The following COA5 variants were observed in gnomAD, a reference collection of about 807,000 sequenced individuals.
COA5 encodes cytochrome c oxidase assembly factor 5.
Under a neutral mutation model 11.8 loss-of-function variants are expected in COA5, and 11 were observed. The ratio of observed to expected loss-of-function variants is 0.93; its 90% CI spans 0.59 to 1.54. COA5 has a LOEUF of 1.54. COA5 is among the 40% of genes most tolerant of loss of function. The pLI is 0.00. For synonymous variants in COA5, 38 were observed against 37.5 expected (o/e 1.01, Z -0.05); for missense variants, 87 against 89.2 (o/e 0.97, Z 0.10).
At chr2:98,604,340 C>T (rs1575224964) in intron 1 of COA5, 149 bp from the exon 2 acceptor site, 1 of 654,194 alleles carries the variant, frequency 1.5e-6, no homozygotes, top group East Asian at 2.8e-5. Flanking sequence ...TTCATTTGGG[C>T]TATTGGTGCC....
chr2:98,599,405 A>C lies in COA5; in HGVS notation c.*1347T>G, dbSNP rs1020808102. 1 of 152,210 alleles carries C rather than the reference A, an allele frequency of 6.6e-6. No individual in the cohort carries two copies. Among genetic ancestry groups the C allele is most frequent in the Non-Finnish European group, 1.5e-5 (1 of 68,038 alleles). 9.4% of individuals were successfully genotyped at this position (152,210 alleles called of 1,614,324 possible). A position where few individuals can be genotyped will look rare whatever the true frequency, so the allele number is the denominator to read the frequency against. On this transcript the variant is annotated 3_prime_UTR_variant, in exon 3 of 3. Coordinates refer to ENST00000328709, the MANE Select transcript of COA5 (RefSeq NM_001008215.3). ...AAGATGACAGGGCTTTATAATATACATTTTAGAGTTGTTTACTTTTATTAA... is the reference window on the plus strand; with the variant it reads ...AAGATGACAGGGCTTTATAATATACCTTTTAGAGTTGTTTACTTTTATTAA...
At chr2:98,601,153 G>C (rs1700636793) in intron 2 of COA5, among the ~76,000 whole-genome samples, 1 of 152,096 alleles carries the variant, frequency 6.6e-6, no homozygotes, top group Non-Finnish European at 1.5e-5. Context: ...GCTGAGGCGG[G>C]AGAATTGCTC....
intron 1 of COA5, chr2:98,604,789 T>C (rs553579627): frequency 1.8e-4 from 27 of 154,084 alleles, no homozygotes; most frequent in African/African-American, 6.0e-4. Context: ...CAGGGTACTA[T>C]GTCTGTGGTA....
intron 1 of COA5, among the ~76,000 whole-genome samples, chr2:98,606,542 C>T (rs1321903707): frequency 6.6e-6 from 1 of 152,238 alleles, no homozygotes; most frequent in East Asian, 1.9e-4. Flanking sequence ...TCTAGCCAAA[C>T]AGCTCCGCTT....
chr2:98,601,637 G>A (rs962244064), intron 2 of COA5, among the ~76,000 whole-genome samples: 2 of 152,090 alleles, frequency 1.3e-5, no homozygotes. Flanking sequence ...CTATATTGGG[G>A]GTCCCTAACC....
intron 1 of COA5, among the ~76,000 whole-genome samples, chr2:98,607,582 C>T (rs1700725702): frequency 6.6e-6 from 1 of 152,160 alleles, no homozygotes; most frequent in Admixed American, 6.5e-5. Flanking sequence ...AAGACAATTG[C>T]ACACAATTGA....
In COA5 at chr2:98,604,189, T is replaced by G. The variant is rs371263909; in HGVS notation, c.102A>C (p.Glu34Asp). 1.4e-5 allele frequency: 22 copies of G among 1,611,768 alleles called. No individual in the cohort carries two copies. The highest frequency in any genetic ancestry group is 1.7e-5 in the Non-Finnish European group (20 of 1,177,978). Residue 34 changes from glutamate (E) to aspartate (D), a missense_variant and splice_region_variant, in exon 2 of 3, where the codon GAA becomes GAC. Coordinates refer to ENST00000328709, the MANE Select transcript of COA5 (RefSeq NM_001008215.3). ...TCAAACACTGCCGAGGTGATTTTCC[T>G]TCCTATGACAGACACATAAAACAAT... ...CLLQSDCVVQ[E>D]GKSPRQCLKE...
intron 1 of COA5, among the ~76,000 whole-genome samples, chr2:98,607,675 AAC>A (rs1339335711): frequency 6.6e-6 from 1 of 152,232 alleles, no homozygotes; most frequent in Non-Finnish European, 1.5e-5. Context: ...GTCCACTGTG[AAC>A]CTCACTACAT....
chr2:98,607,418 T>C lies in COA5; in HGVS notation c.99+889A>G, dbSNP rs138873131. Among the ~76,000 whole-genome samples, 7 of 152,284 alleles carry C rather than the reference T, an allele frequency of 4.6e-5. No individual in the cohort carries two copies. The East Asian group carries it at 1.3e-3, about 29-fold the overall frequency. ...ATAATAACTCAAGTTTTACTAGACA[T>C]TGGGAGGCGAGAATGGCTGACTGCT... On this transcript the variant is annotated intron_variant, in intron 1 of 2. Transcript: ENST00000328709.
chr2:98,606,889 C>A (rs1309327619), intron 1 of COA5, among the ~76,000 whole-genome samples: 1 of 152,172 alleles, frequency 6.6e-6, no homozygotes, highest in African/African-American at 2.4e-5. Flanking sequence ...CTCCTCTGCG[C>A]CCTCCCACAT....
intron 2 of COA5, among the ~76,000 whole-genome samples, chr2:98,603,487 A>AG: frequency 6.6e-6 from 1 of 152,074 alleles, no homozygotes; most frequent in Non-Finnish European, 1.5e-5. Flanking sequence ...CTCAAACAAA[A>AG]AACAAAAAAC....
rs557092340 is a variant in COA5 at position 98,599,643 on chromosome 2, T to TAAAG, written c.*1105_*1108dup. On this transcript the variant is annotated 3_prime_UTR_variant, in exon 3 of 3. Coordinates refer to ENST00000328709, the MANE Select transcript of COA5 (RefSeq NM_001008215.3). ...TTAACTCCAGTGAACCACGGAGGTA[T>TAAAG]AAAGACGCTAGAGTTCTTTGTAATT... is the stretch of plus-strand genomic sequence containing the variant. 6.6e-6 allele frequency: 1 copy of TAAAG among 152,218 alleles called. No individual in the cohort carries two copies. Among genetic ancestry groups the TAAAG allele is most frequent in the Non-Finnish European group, 1.5e-5 (1 of 68,034 alleles). The allele number at this position is 152,218 out of a possible 1,614,324, so 9.4% of individuals were successfully genotyped here. A position where few individuals can be genotyped will look rare whatever the true frequency, so the allele number is the denominator to read the frequency against.
chr2:98,601,865 T>C (rs756771348), intron 2 of COA5, among the ~76,000 whole-genome samples: 4 of 152,156 alleles, frequency 2.6e-5, no homozygotes, highest in Admixed American at 6.5e-5. Flanking sequence ...GAGAATCTAA[T>C]GCCTGATGAC....
rs766369618 is a variant in COA5 at position 98,599,907 on chromosome 2, T to G, written c.*845A>C. 5 of 152,344 alleles carry G rather than the reference T, an allele frequency of 3.3e-5. No individual in the cohort carries two copies. The highest frequency in any genetic ancestry group is 7.3e-5 in the Non-Finnish European group (5 of 68,126). 9.4% of individuals were successfully genotyped at this position (152,344 alleles called of 1,614,324 possible). ...AGTTAGCAATGACAGTGCAGATAGA[T>G]AGCCCAGGCCTGGCCAAGATCACAG... On this transcript the variant is annotated 3_prime_UTR_variant, in exon 3 of 3. Coordinates refer to ENST00000328709, the MANE Select transcript of COA5 (RefSeq NM_001008215.3).
rs2106593292 is a variant in COA5 at position 98,604,159 on chromosome 2, T to A, written c.132A>T (p.Glu44Asp). ...EGKSPRQCLKEGYCNSLKYAF... is the reference protein window; with the variant it reads ...EGKSPRQCLKDGYCNSLKYAF... ...CGTACTTCAAAGAGTTGCAGTATCCTTCCTTCAAACACTGCCGAGGTGATT... is the reference window on the plus strand; with the variant it reads ...CGTACTTCAAAGAGTTGCAGTATCCATCCTTCAAACACTGCCGAGGTGATT... Residue 44 changes from glutamate to aspartate, a missense_variant, in exon 2 of 3, where the codon GAA becomes GAT. By Grantham distance (45) the Glu-to-Asp change is conservative. Transcript: ENST00000328709. 6.2e-7 allele frequency: 1 copy of A among 1,613,896 alleles called. No individual in the cohort carries two copies. Among genetic ancestry groups the A allele is most frequent in the Non-Finnish European group, 8.5e-7 (1 of 1,179,828 alleles).
rs1186642204 is a variant in COA5 at position 98,608,509 on chromosome 2, C to T, written c.-104G>A. ...CCAGTCTCAGGGGACCGGAAGCCAG[C>T]GGCAACAACTTCCGGCGGGCCGCGG... On this transcript the variant is annotated 5_prime_UTR_variant, in exon 1 of 3. Transcript: ENST00000328709. 3 of 903,604 alleles carry T rather than the reference C, an allele frequency of 3.3e-6. No individual in the cohort carries two copies. The highest frequency in any genetic ancestry group is 2.6e-5 in the East Asian group (1 of 38,060). 56.0% of individuals were successfully genotyped at this position (903,604 alleles called of 1,614,324 possible).
chr2:98,604,286 G>A (rs953026878), intron 1 of COA5, 95 bp from the exon 2 acceptor site: 1 of 953,964 alleles, frequency 1.0e-6, no homozygotes, highest in Non-Finnish European at 1.7e-6. Flanking sequence ...TTTTAAAAGT[G>A]TTAAAGGAGG....
chr2:98,607,389 A>T (rs531894921), intron 1 of COA5, among the ~76,000 whole-genome samples: 1 of 152,228 alleles, frequency 6.6e-6, no homozygotes, highest in South Asian at 2.1e-4. Context: ...AATCTCTTAA[A>T]TTTATAATAA....
chr2:98,607,258 A>C (rs1280469722), intron 1 of COA5, among the ~76,000 whole-genome samples: 1 of 152,216 alleles, frequency 6.6e-6, no homozygotes, highest in Non-Finnish European at 1.5e-5. Context: ...GGCATTTACC[A>C]GGAGCTGGCT....
Sources: allele counts gnomAD v4.1 joint callset (sites outside exome capture counted in the v4.1 genomes callset), GRCh38; gene constraint gnomAD v4.1.1; transcripts MANE v1.5; gene names NCBI Gene and HGNC (gene_info 2026-07-23, HGNC 2026-07-21).